KANSL1: variants seen among roughly 807,000 people sequenced by gnomAD.
The protein encoded by KANSL1 is KAT8 regulatory NSL complex subunit 1, also known as MLL1/MLL complex subunit KANSL1.
Under a neutral mutation model 103.6 loss-of-function variants are expected in KANSL1, and 22 were observed. The observed-to-expected ratio is 0.21, with a 90% CI of 0.15 to 0.30. KANSL1 has a LOEUF of 0.30. KANSL1 is among the 10% of genes least tolerant of loss of function. The pLI is 1.00. For synonymous variants in KANSL1, 600 were observed against 527.6 expected, an observed-to-expected ratio of 1.14 and a Z score of -1.88; for missense variants, 1,337 against 1,399.8, an observed-to-expected ratio of 0.96 and a Z score of 0.72.
At chr17:46,031,727 T>C in intron 14 of KANSL1, 24 bp from the exon 15 acceptor site, 2 of 1,571,490 alleles carry the variant, frequency 1.3e-6, no homozygotes, top group South Asian at 2.3e-5. Flanking sequence ...AGTTGCTCTT[T>C]GAGGACCCAG....
At chr17:46,197,460 T>C (rs1385422497), upstream of KANSL1, among the ~76,000 whole-genome samples, 2 of 152,312 alleles carry the variant, frequency 1.3e-5, no homozygotes, top group South Asian at 2.1e-4. Context: ...CTGGCCAACA[T>C]GGTGAAACCC....
rs955838637 is a variant in KANSL1, at chr17:46,146,552, G to A, written c.1289+24303C>T. Among the ~76,000 whole-genome samples the A allele has an allele frequency of 2.7e-5, 3 of 112,462 alleles. 1 individual carries two copies. Among genetic ancestry groups the A allele is most frequent in the South Asian group, 2.4e-4 (1 of 4,136 alleles). The allele number at this position is 112,462 out of a possible 152,430, so 73.8% of individuals were successfully genotyped here. A position where few individuals can be genotyped will look rare whatever the true frequency, so the allele number is the denominator to read the frequency against. ...GTATGTGTCTATCACAAGAAGTTGA[G>A]GCCGGGCGCGGTGGCTCACGCCTGT... On this transcript the variant is annotated intron_variant, in intron 2 of 14. Transcript: ENST00000432791.
At chr17:46,104,315 A>G (rs62061815) in intron 2 of KANSL1, among the ~76,000 whole-genome samples, 21,667 of 152,042 alleles carry the variant, frequency 0.14, 2,120 homozygotes, top group Non-Finnish European at 0.22. Flanking sequence ...ATTTCCAACC[A>G]GAAAATACCC....
chr17:46,136,422 G>A (rs1014619907), intron 2 of KANSL1, among the ~76,000 whole-genome samples: 5 of 152,136 alleles, frequency 3.3e-5, no homozygotes, highest in African/African-American at 7.2e-5. Context: ...ATATAGAGAC[G>A]GACCATATCG....
intron 10 of KANSL1, 44 bp downstream of exon 10, chr17:46,038,494 G>A (rs370314547): frequency 6.2e-7 from 1 of 1,603,940 alleles, no homozygotes; most frequent in African/African-American, 1.3e-5. Context: ...AGTGAGCTGT[G>A]ACCTGCAGAG....
chr17:46,129,379 C>CA (rs1329199742), intron 2 of KANSL1, among the ~76,000 whole-genome samples: 4 of 152,186 alleles, frequency 2.6e-5, no homozygotes, highest in Non-Finnish European at 5.9e-5. Flanking sequence ...AAATTCAACT[C>CA]AAAGCACCAC....
At chr17:46,166,213 C>CCCAAAAAAAAAAAA (rs1555573289) in intron 2 of KANSL1, among the ~76,000 whole-genome samples, 2 of 95,104 alleles carry the variant, frequency 2.1e-5, no homozygotes, top group Non-Finnish European at 4.3e-5. Context: ...GACTCTGTCT[C>CCCAAAAAAAAAAAA]AAAAAAAAAA....
chr17:46,038,831 G>T, intron 9 of KANSL1, 145 bp from the exon 10 acceptor site: 2 of 1,212,030 alleles, frequency 1.7e-6, no homozygotes, highest in Non-Finnish European at 2.3e-6. Flanking sequence ...CACACTAGCT[G>T]TGGGAAGTAG....
chr17:46,031,733 C>T (rs2077014214), intron 14 of KANSL1, 30 bp from the exon 15 acceptor site: 5 of 1,554,464 alleles, frequency 3.2e-6, no homozygotes, highest in Non-Finnish European at 4.4e-6. Context: ...TCTTTGAGGA[C>T]CCAGTCCCAG....
intron 6 of KANSL1, among the ~76,000 whole-genome samples, chr17:46,058,605 G>A (rs1252672821): frequency 6.6e-6 from 1 of 152,104 alleles, no homozygotes; most frequent in Non-Finnish European, 1.5e-5. Context: ...TAGGCTGTGG[G>A]AAACTAAGGT....
chr17:46,199,959 G>C (rs543302017), intron 1 of KANSL1, among the ~76,000 whole-genome samples: 1 of 152,018 alleles, frequency 6.6e-6, no homozygotes, highest in Non-Finnish European at 1.5e-5. Context: ...TTTAATAGCA[G>C]CTACCAGCAC....
chr17:46,203,125 G>A (rs1488575711), intron 1 of KANSL1, among the ~76,000 whole-genome samples: 10 of 152,154 alleles, frequency 6.6e-5, no homozygotes, highest in African/African-American at 2.4e-4. Context: ...CCAGCTACTC[G>A]GGAGGCTGAA....
intron 2 of KANSL1, among the ~76,000 whole-genome samples, chr17:46,135,175 T>C (rs2044065754): frequency 6.6e-6 from 1 of 151,986 alleles, no homozygotes; most frequent in South Asian, 2.1e-4. Flanking sequence ...AAAAAGCCTA[T>C]CTTTTAGAAA....
At chr17:46,223,175 G>A (rs1426537516) in intron 1 of KANSL1, 1 of 151,360 alleles carries the variant, frequency 6.6e-6, no homozygotes, top group Non-Finnish European at 1.5e-5. Flanking sequence ...AGAGTCATAC[G>A]TGTAAACCAG....
At position 46,193,129 on chromosome 17, in the gene KANSL1, C is replaced by G. The variant is rs887090526; in HGVS notation, c.-396G>C. On this transcript the variant is annotated 5_prime_UTR_variant, in exon 1 of 15. Coordinates refer to ENST00000432791, the MANE Select transcript of KANSL1 (RefSeq NM_015443.4). ...CCGAGCACGGCTGGAGACCGCAGCCCGGCCGGGAGGGCGGGCGGGCGGGGG... is the reference window on the plus strand; with the variant it reads ...CCGAGCACGGCTGGAGACCGCAGCCGGGCCGGGAGGGCGGGCGGGCGGGGG... 9 of 152,310 alleles carry G rather than the reference C, an allele frequency of 5.9e-5. No individual in the cohort carries two copies. Among genetic ancestry groups the G allele is most frequent in the African/African-American group, 1.9e-4 (8 of 41,364 alleles). 9.4% of individuals were successfully genotyped at this position (152,310 alleles called of 1,614,324 possible). A position where few individuals can be genotyped will look rare whatever the true frequency, so the allele number is the denominator to read the frequency against.
At chr17:46,103,489 T>C (rs2042405477) in intron 2 of KANSL1, among the ~76,000 whole-genome samples, 1 of 152,238 alleles carries the variant, frequency 6.6e-6, no homozygotes, top group South Asian at 2.1e-4. Context: ...AATTCCTTAA[T>C]GTTAAATATC....
chr17:46,166,982 G>C (rs2046033196), intron 2 of KANSL1, among the ~76,000 whole-genome samples: 1 of 145,122 alleles, frequency 6.9e-6, no homozygotes. Flanking sequence ...TGAACTTCAA[G>C]ATAAGCCTAG....
intron 2 of KANSL1, among the ~76,000 whole-genome samples, chr17:46,102,290 C>T (rs2042355935): frequency 1.3e-5 from 2 of 152,118 alleles, no homozygotes; most frequent in Non-Finnish European, 2.9e-5. Flanking sequence ...CGCTCTGTCA[C>T]CCAGGCTGGA....
rs71138525 is a variant in KANSL1 at position 46,096,311 on chromosome 17, C to CTTTTTTTTTTTTTTT, written c.1290-1625_1290-1611dup. 1.2e-3 allele frequency among the ~76,000 whole-genome samples: 95 copies of CTTTTTTTTTTTTTTT among 76,368 alleles called. 4 individuals carry two copies. Among genetic ancestry groups the CTTTTTTTTTTTTTTT allele is most frequent in the African/African-American group, 3.8e-3 (68 of 17,828 alleles). The allele number at this position is 76,368 out of a possible 152,430, so 50.1% of individuals were successfully genotyped here. A position where few individuals can be genotyped will look rare whatever the true frequency, so the allele number is the denominator to read the frequency against. ...CATACTACATACCTGGCTTTTTTTT[C>CTTTTTTTTTTTTTTT]TTTTTTTTTTTTTTTTTTTTTGAGA... is the stretch of plus-strand genomic sequence containing the variant. On this transcript the variant is annotated intron_variant, in intron 2 of 14. Coordinates refer to ENST00000432791, the MANE Select transcript of KANSL1 (RefSeq NM_015443.4).
Sources: gnomAD v4.1 joint callset for allele counts (sites outside exome capture counted in the v4.1 genomes callset) on GRCh38, gnomAD v4.1.1 for gene constraint, MANE v1.5 for transcripts, NCBI Gene and HGNC (gene_info 2026-07-23, HGNC 2026-07-21) for gene names.